The following CSMD1 variants were observed in gnomAD, a reference collection of about 807,000 sequenced individuals.
CSMD1 encodes CUB and Sushi multiple domains 1.
Under a neutral mutation model 417.5 loss-of-function variants are expected in CSMD1, and 213 were observed. The ratio of observed to expected loss-of-function variants is 0.51; its 90% CI spans 0.46 to 0.57. The LOEUF is 0.57. Among genes scored for constraint, CSMD1 ranks in the 20% least tolerant of loss-of-function variants. The pLI is 0.00. For synonymous variants in CSMD1, 2,862 were observed against 1,736.8 expected (o/e 1.65, Z -16.11); for missense variants, 6,923 against 4,529.7 (o/e 1.53, Z -15.17).
Position 3,416,502 on chromosome 8 carries a change from G to C in CSMD1, c.1562-6897C>G, listed in dbSNP as rs183909289. Reference sequence around the variant, plus strand: ...ATAAGAATGTATTCGGTGTATACTTGAATTTCAAAAAGAGCTAAGAAGGCA... The same window carrying C: ...ATAAGAATGTATTCGGTGTATACTTCAATTTCAAAAAGAGCTAAGAAGGCA... On this transcript the variant is annotated intron_variant, in intron 12 of 69. Transcript: ENST00000635120. Among the ~76,000 whole-genome samples the C allele has an allele frequency of 3.1e-3, 472 of 152,188 alleles. 2 individuals are homozygous for C. The highest frequency in any genetic ancestry group is 5.0e-3 in the Non-Finnish European group (341 of 67,990).
intron 8 of CSMD1, among the ~76,000 whole-genome samples, chr8:3,602,459 C>T (rs1488352476): frequency 1.3e-5 from 2 of 152,090 alleles, no homozygotes; most frequent in Non-Finnish European, 2.9e-5. Flanking sequence ...AATCAATGCA[C>T]TGGTTGGTCA....
intron 3 of CSMD1, among the ~76,000 whole-genome samples, chr8:4,217,775 T>C (rs1004971244): frequency 2.0e-5 from 3 of 152,128 alleles, no homozygotes; most frequent in Non-Finnish European, 4.4e-5. Flanking sequence ...TAGGGCAGGA[T>C]TGTTGGGCTA....
intron 1 of CSMD1, among the ~76,000 whole-genome samples, chr8:4,949,993 T>A (rs1453996294): frequency 6.6e-6 from 1 of 152,144 alleles, no homozygotes; most frequent in Non-Finnish European, 1.5e-5. Flanking sequence ...ATCTAATTGG[T>A]CACGACTATT....
chr8:4,119,656 G>A (rs78821402), intron 3 of CSMD1, among the ~76,000 whole-genome samples: 1 of 152,108 alleles, frequency 6.6e-6, no homozygotes, highest in African/African-American at 2.4e-5. Context: ...AAGCACACAA[G>A]CACACACTTG....
At chr8:4,388,556 AG>A (rs1803627407) in intron 3 of CSMD1, among the ~76,000 whole-genome samples, 1 of 136,378 alleles carries the variant, frequency 7.3e-6, no homozygotes, top group Non-Finnish European at 1.6e-5. Flanking sequence ...CTGAGGGGGA[AG>A]GGTGGGGGGG....
intron 2 of CSMD1, among the ~76,000 whole-genome samples, chr8:4,490,768 C>G (rs745492627): frequency 6.6e-6 from 1 of 152,188 alleles, no homozygotes; most frequent in Non-Finnish European, 1.5e-5. Flanking sequence ...TGCACTAGCT[C>G]CACTAGGTCG....
chr8:2,990,477 G>A lies in CSMD1; in HGVS notation c.8377+7534C>T, dbSNP rs987084082. Among the ~76,000 whole-genome samples, 14 of 152,264 alleles carry A rather than the reference G, an allele frequency of 9.2e-5. No homozygotes were observed. The South Asian group carries it at 2.9e-3, about 32-fold the overall frequency. ...CCATCCCCCATTTTCCATAGCCCCT[G>A]ACTTTACAAGTGAGCCTCTCTCTAC... On this transcript the variant is annotated intron_variant, in intron 54 of 69. Coordinates refer to ENST00000635120, the MANE Select transcript of CSMD1 (RefSeq NM_033225.6).
intron 3 of CSMD1, among the ~76,000 whole-genome samples, chr8:4,166,931 G>C (rs1344225291): frequency 6.6e-6 from 1 of 152,142 alleles, no homozygotes; most frequent in African/African-American, 2.4e-5. Context: ...CAGCCAGGTG[G>C]GGTCAGTGGC....
At chr8:3,947,974 G>T (rs778158029) in intron 5 of CSMD1, among the ~76,000 whole-genome samples, 3 of 152,188 alleles carry the variant, frequency 2.0e-5, no homozygotes, top group Admixed American at 1.3e-4. Context: ...GGGAGGCCAA[G>T]GCAGGTGGAT....
At chr8:3,986,988 C>G (rs1814378557) in intron 5 of CSMD1, among the ~76,000 whole-genome samples, 1 of 152,146 alleles carries the variant, frequency 6.6e-6, no homozygotes, top group Non-Finnish European at 1.5e-5. Flanking sequence ...CTACTGACAT[C>G]AAATAATCCA....
intron 51 of CSMD1, among the ~76,000 whole-genome samples, chr8:3,027,876 C>T (rs187466212): frequency 7.6e-4 from 116 of 152,328 alleles, no homozygotes; most frequent in African/African-American, 2.7e-3. Flanking sequence ...CAACGCCTTG[C>T]TACTAATGAG....
At chr8:3,624,500 T>C (rs1405053747) in intron 7 of CSMD1, among the ~76,000 whole-genome samples, 1 of 152,236 alleles carries the variant, frequency 6.6e-6, no homozygotes, top group African/African-American at 2.4e-5. Context: ...TCTATTTTCA[T>C]TGTTGGTACT....
intron 1 of CSMD1, among the ~76,000 whole-genome samples, chr8:4,759,702 A>G (rs1386777781): frequency 6.6e-6 from 1 of 152,168 alleles, no homozygotes; most frequent in African/African-American, 2.4e-5. Context: ...GCTGAGAATA[A>G]TGGCTTCCAG....
intron 3 of CSMD1, among the ~76,000 whole-genome samples, chr8:4,039,816 G>C (rs372510304): frequency 1.3e-5 from 2 of 152,218 alleles, no homozygotes; most frequent in East Asian, 3.9e-4. Flanking sequence ...ACAGTCATCA[G>C]ATCTGGCATC....
chr8:4,574,881 C>T (rs187616851), intron 2 of CSMD1, among the ~76,000 whole-genome samples: 43 of 152,282 alleles, frequency 2.8e-4, no homozygotes, highest in Admixed American at 2.3e-3. Context: ...TTTAAATAGA[C>T]TTTCTTTGTG....
chr8:4,165,515 C>T (rs1797407178), intron 3 of CSMD1, among the ~76,000 whole-genome samples: 1 of 152,178 alleles, frequency 6.6e-6, no homozygotes, highest in South Asian at 2.1e-4. Context: ...GTCATCCTCC[C>T]ACCTCAGCCT....
intron 10 of CSMD1, among the ~76,000 whole-genome samples, chr8:3,527,327 T>TC (rs1797794069): frequency 6.6e-6 from 1 of 152,202 alleles, no homozygotes; most frequent in Non-Finnish European, 1.5e-5. Context: ...TTAAAGGCAC[T>TC]CGTGCCCTTT....
chr8:3,154,905 G>C (rs1819423494), intron 39 of CSMD1, among the ~76,000 whole-genome samples: 2 of 151,944 alleles, frequency 1.3e-5, no homozygotes, highest in South Asian at 4.2e-4. Flanking sequence ...CCCCAGTTTG[G>C]AGTAATCTAA....
chr8:4,805,970 AG>A (rs1563444668), intron 1 of CSMD1, among the ~76,000 whole-genome samples: 2 of 152,190 alleles, frequency 1.3e-5, no homozygotes, highest in African/African-American at 2.4e-5. Flanking sequence ...TTAATTACCA[AG>A]GGCTTTTCTT....
Sources: gnomAD v4.1 joint callset for allele counts (sites outside exome capture counted in the v4.1 genomes callset) on GRCh38, gnomAD v4.1.1 for gene constraint, MANE v1.5 for transcripts, NCBI Gene and HGNC (gene_info 2026-07-23, HGNC 2026-07-21) for gene names.